The following GPC6 variants were observed in gnomAD, a reference collection of about 807,000 sequenced individuals.
GPC6 encodes glypican-6.
Under a neutral mutation model 55.2 loss-of-function variants are expected in GPC6, and 14 were observed. The observed-to-expected ratio is 0.25, with a 90% confidence interval of 0.17 to 0.40. GPC6 has a LOEUF of 0.40. Ranked by LOEUF, GPC6 falls within the 10% of genes least tolerant of loss-of-function variation. The probability of loss-of-function intolerance (pLI) is 1.00; values close to 1 mark genes in which losing one functional copy is unlikely to be tolerated. For synonymous variants in GPC6, 278 were observed against 259.6 expected (o/e 1.07, Z -0.68); for missense variants, 641 against 708.5 (o/e 0.90, Z 1.08).
At chr13:93,544,668 A>G (rs934319978) in intron 1 of GPC6, among the ~76,000 whole-genome samples, 3 of 152,186 alleles carry the variant, frequency 2.0e-5, no homozygotes, top group Admixed American at 6.5e-5. Flanking sequence ...ACATTTCCTT[A>G]TAACGTAAGC....
intron 1 of GPC6, among the ~76,000 whole-genome samples, chr13:93,240,542 G>C (rs1235537449): frequency 6.6e-6 from 1 of 152,164 alleles, no homozygotes; most frequent in Non-Finnish European, 1.5e-5. Flanking sequence ...TACAAGTTAA[G>C]TGGGTCTCTT....
intron 4 of GPC6, among the ~76,000 whole-genome samples, chr13:94,246,058 C>T (rs1248382877): frequency 6.6e-6 from 1 of 152,022 alleles, no homozygotes; most frequent in Non-Finnish European, 1.5e-5. Flanking sequence ...GACATTCTAA[C>T]GGATATGAGG....
intron 3 of GPC6, among the ~76,000 whole-genome samples, chr13:93,905,203 G>GA (rs1876598138): frequency 6.6e-6 from 1 of 151,514 alleles, no homozygotes; most frequent in Non-Finnish European, 1.5e-5. Context: ...TGTATGGTGG[G>GA]AAAAAAGCAC....
chr13:94,359,269 T>A (rs1158130661), intron 6 of GPC6, among the ~76,000 whole-genome samples: 1 of 152,170 alleles, frequency 6.6e-6, no homozygotes, highest in Non-Finnish European at 1.5e-5. Context: ...AAATGAAAAC[T>A]ATTTTCAAAA....
At chr13:93,752,267 C>T (rs1884620592) in intron 2 of GPC6, among the ~76,000 whole-genome samples, 1 of 151,990 alleles carries the variant, frequency 6.6e-6, no homozygotes, top group Admixed American at 6.6e-5. Flanking sequence ...TTTCAGAGCT[C>T]ATGTTCGTCT....
chr13:93,769,293 G>T (rs1276954401), intron 2 of GPC6, among the ~76,000 whole-genome samples: 1 of 152,130 alleles, frequency 6.6e-6, no homozygotes, highest in Non-Finnish European at 1.5e-5. Flanking sequence ...CAGTTTAATA[G>T]CAAGAAGGAA....
intron 2 of GPC6, among the ~76,000 whole-genome samples, chr13:93,711,734 C>T (rs549321715): frequency 1.3e-5 from 2 of 151,888 alleles, no homozygotes; most frequent in East Asian, 3.9e-4. Flanking sequence ...TGCCCCAGGG[C>T]ATTTCTGACA....
chr13:94,007,012 G>A (rs1408495283), intron 3 of GPC6, among the ~76,000 whole-genome samples: 1 of 152,104 alleles, frequency 6.6e-6, no homozygotes, highest in Non-Finnish European at 1.5e-5. Flanking sequence ...TCCCTCCTTA[G>A]TCACTATGCT....
chr13:94,036,847 A>T (rs917095846), intron 4 of GPC6, among the ~76,000 whole-genome samples: 6 of 151,928 alleles, frequency 3.9e-5, no homozygotes, highest in African/African-American at 1.4e-4. Flanking sequence ...CTTCAGGAGG[A>T]GGGTATTCTC....
chr13:94,335,723 C>T (rs190640143), intron 6 of GPC6, among the ~76,000 whole-genome samples: 9 of 152,292 alleles, frequency 5.9e-5, no homozygotes, highest in Admixed American at 5.9e-4. Flanking sequence ...TGGATTTGAA[C>T]TGCATGTTTC....
rs772541106 is a variant in GPC6 at position 93,741,117 on chromosome 13, CTTTTTTT to C, written c.320-89019_320-89013del. On this transcript the variant is annotated intron_variant, in intron 2 of 8. Transcript: ENST00000377047. ...TAGTATACCGATACCCATCCAGAAT[CTTTTTTT>C]TTTTTTTTTTTTTTTTTGAGACGAA... 3.9e-5 allele frequency among the ~76,000 whole-genome samples: 3 copies of C among 77,196 alleles called. 1 individual carries two copies. The highest frequency in any genetic ancestry group is 7.6e-4 in the East Asian group (2 of 2,630). 50.6% of individuals were successfully genotyped at this position (77,196 alleles called of 152,430 possible). A position where few individuals can be genotyped will look rare whatever the true frequency, so the allele number is the denominator to read the frequency against.
intron 1 of GPC6, among the ~76,000 whole-genome samples, chr13:93,400,121 C>G (rs1293815176): frequency 6.6e-6 from 1 of 152,050 alleles, no homozygotes; most frequent in East Asian, 1.9e-4. Flanking sequence ...ATGCAGCTAG[C>G]CATTTGAGGG....
intron 3 of GPC6, among the ~76,000 whole-genome samples, chr13:93,958,792 G>T (rs981979584): frequency 1.3e-5 from 2 of 152,078 alleles, no homozygotes; most frequent in Non-Finnish European, 2.9e-5. Context: ...CCATTTTCAT[G>T]ATATTGATTC....
At chr13:94,092,043 A>G (rs1245577939) in intron 4 of GPC6, among the ~76,000 whole-genome samples, 3 of 147,874 alleles carry the variant, frequency 2.0e-5, no homozygotes, top group Non-Finnish European at 3.0e-5. Flanking sequence ...TGAGATGCAT[A>G]TACAATGTGA....
chr13:94,146,112 C>T (rs1887555129), intron 4 of GPC6, among the ~76,000 whole-genome samples: 2 of 152,152 alleles, frequency 1.3e-5, no homozygotes, highest in South Asian at 4.1e-4. Context: ...TTTGTGGAAG[C>T]TCGCAGTGTG....
At chr13:93,400,326 T>C (rs1259990080) in intron 1 of GPC6, among the ~76,000 whole-genome samples, 1 of 124,852 alleles carries the variant, frequency 8.0e-6, no homozygotes, top group Non-Finnish European at 1.8e-5. Flanking sequence ...AAACTTGGTG[T>C]TAGGCACTGG....
At chr13:94,340,145 G>A (rs1420846542) in intron 6 of GPC6, among the ~76,000 whole-genome samples, 2 of 152,006 alleles carry the variant, frequency 1.3e-5, no homozygotes, top group African/African-American at 4.8e-5. Context: ...TTGCTTATAG[G>A]TATCAAAAAG....
intron 1 of GPC6, among the ~76,000 whole-genome samples, chr13:93,513,546 T>C (rs1440075512): frequency 1.3e-5 from 2 of 150,956 alleles, no homozygotes; most frequent in Non-Finnish European, 1.5e-5. Context: ...AATCTTATCA[T>C]GTTCTTCTGC....
chr13:93,835,667 G>A (rs1392466489), intron 3 of GPC6, among the ~76,000 whole-genome samples: 4 of 152,090 alleles, frequency 2.6e-5, no homozygotes, highest in Admixed American at 1.3e-4. Flanking sequence ...CAGGAGAATC[G>A]CTTGAACCCG....
Sources: allele counts gnomAD v4.1 joint callset (sites outside exome capture counted in the v4.1 genomes callset), GRCh38; gene constraint gnomAD v4.1.1; transcripts MANE v1.5; gene names NCBI Gene and HGNC (gene_info 2026-07-23, HGNC 2026-07-21).